ADK: variants seen among roughly 807,000 people sequenced by gnomAD.
The protein encoded by ADK is adenosine kinase.
ADK carries 24 observed loss-of-function variants against 44.7 expected under a neutral mutation model. That is an observed-to-expected ratio of 0.54 (90% CI 0.39 to 0.76). The LOEUF (loss-of-function observed/expected upper bound fraction) is 0.76. Among genes scored for constraint, ADK ranks in the 30% least tolerant of loss-of-function variants. The pLI, the probability that ADK is intolerant of heterozygous loss-of-function variation, is 0.00. For missense variants in ADK, 321 were observed against 425.1 expected (o/e 0.76, Z 2.15); for synonymous variants, 128 against 142.6 (o/e 0.90, Z 0.73).
intron 1 of ADK, chr10:74,177,028 TTTTCA>T: frequency 8.1e-7 from 1 of 1,227,594 alleles, no homozygotes; most frequent in Non-Finnish European, 1.2e-6. Context: ...CCCTCCGCAC[TTTTCA>T]TTTGGGCATT....
intron 4 of ADK, among the ~76,000 whole-genome samples, chr10:74,326,431 CAAAA>C (rs34807188): frequency 3.9e-5 from 5 of 129,868 alleles, no homozygotes; most frequent in South Asian, 5.1e-4. Context: ...CTTGTTTCTA[CAAAA>C]AAAAAAAAAA....
At chr10:74,380,713 G>A (rs916339858) in intron 4 of ADK, among the ~76,000 whole-genome samples, 45 of 151,988 alleles carry the variant, frequency 3.0e-4, no homozygotes, top group Admixed American at 2.7e-3. Flanking sequence ...AATCGAGATC[G>A]TGCCACTGCA....
At chr10:74,456,477 A>T (rs1230328154) in intron 6 of ADK, among the ~76,000 whole-genome samples, 1 of 151,978 alleles carries the variant, frequency 6.6e-6, no homozygotes, top group Non-Finnish European at 1.5e-5. Context: ...GATCGAGACC[A>T]TCCTGGCTAA....
chr10:74,194,553 A>G (rs1407287509), intron 1 of ADK, among the ~76,000 whole-genome samples: 1 of 152,176 alleles, frequency 6.6e-6, no homozygotes, highest in African/African-American at 2.4e-5. Context: ...GGTAGATTTT[A>G]AGTAGAAAAA....
chr10:74,233,324 C>T (rs988385471), intron 3 of ADK, among the ~76,000 whole-genome samples: 9 of 152,086 alleles, frequency 5.9e-5, no homozygotes, highest in African/African-American at 2.2e-4. Flanking sequence ...GAAGGAGGTT[C>T]GTGTGTTGTG....
chr10:74,370,276 T>C (rs979752207), intron 4 of ADK, among the ~76,000 whole-genome samples: 2 of 152,222 alleles, frequency 1.3e-5, no homozygotes, highest in African/African-American at 4.8e-5. Flanking sequence ...CCTATACTAC[T>C]GTTAAAACAA....
chr10:74,651,109 G>A (rs1427118628), intron 9 of ADK, among the ~76,000 whole-genome samples: 2 of 152,162 alleles, frequency 1.3e-5, no homozygotes, highest in Non-Finnish European at 2.9e-5. Flanking sequence ...GGAAATGGAG[G>A]CATCAGCTAG....
chr10:74,292,492 T>G (rs1839657166), intron 3 of ADK, among the ~76,000 whole-genome samples: 1 of 152,210 alleles, frequency 6.6e-6, no homozygotes, highest in Admixed American at 6.5e-5. Context: ...GTTAGGGGAC[T>G]TGTTCTTTCA....
intron 1 of ADK, among the ~76,000 whole-genome samples, chr10:74,185,501 A>G (rs1842713868): frequency 6.7e-6 from 1 of 150,188 alleles, no homozygotes; most frequent in African/African-American, 2.4e-5. Flanking sequence ...TTCACTTTAA[A>G]AAAAAATGCC....
intron 7 of ADK, among the ~76,000 whole-genome samples, chr10:74,568,129 T>C (rs1438274677): frequency 6.6e-6 from 1 of 152,072 alleles, no homozygotes; most frequent in African/African-American, 2.4e-5. Flanking sequence ...TGTTAAAAGA[T>C]TATGAGGTGG....
chr10:74,483,651 TG>T lies in ADK; in HGVS notation c.556-41604del. ...CTCTTTGCTCACATATATGAGCATA[TG>T]CTGTTAGAAGCAGACAGGATACATC... On this transcript the variant is annotated intron_variant, in intron 6 of 10. Transcript: ENST00000539909. Among the ~76,000 whole-genome samples, 2 of 152,340 alleles carry T rather than the reference TG, an allele frequency of 1.3e-5. 1 individual carries two copies. Among genetic ancestry groups the T allele is most frequent in the Admixed American group, 1.3e-4 (2 of 15,304 alleles).
intron 6 of ADK, among the ~76,000 whole-genome samples, chr10:74,512,593 C>T (rs1013207502): frequency 8.6e-5 from 13 of 151,580 alleles, no homozygotes; most frequent in Non-Finnish European, 1.5e-4. Context: ...CTCTAGTGAT[C>T]CTTTGTATTT....
chr10:74,181,761 C>A (rs1381689487), intron 1 of ADK, among the ~76,000 whole-genome samples: 1 of 152,120 alleles, frequency 6.6e-6, no homozygotes, highest in East Asian at 1.9e-4. Context: ...TCAAAATTCC[C>A]CTCTGAATAT....
At chr10:74,610,530 G>A (rs1852501194) in intron 9 of ADK, among the ~76,000 whole-genome samples, 1 of 152,050 alleles carries the variant, frequency 6.6e-6, no homozygotes, top group African/African-American at 2.4e-5. Context: ...ATGGCACTGA[G>A]CTGTATATTC....
chr10:74,464,144 A>G (rs1846267176), intron 6 of ADK, among the ~76,000 whole-genome samples: 1 of 152,194 alleles, frequency 6.6e-6, no homozygotes, highest in South Asian at 2.1e-4. Context: ...AGCAGTACAC[A>G]TAAGACATAC....
intron 6 of ADK, among the ~76,000 whole-genome samples, chr10:74,405,624 A>T (rs1843893971): frequency 6.6e-6 from 1 of 152,042 alleles, no homozygotes; most frequent in South Asian, 2.1e-4. Flanking sequence ...CAAGCGAGGG[A>T]TCTAGGTTGT....
At chr10:74,520,829 G>C (rs1417726126) in intron 6 of ADK, among the ~76,000 whole-genome samples, 1 of 151,998 alleles carries the variant, frequency 6.6e-6, no homozygotes, top group Non-Finnish European at 1.5e-5. Flanking sequence ...TTTGTTTTCT[G>C]TTATAATGAA....
At chr10:74,177,820 C>T (rs1842398310) in intron 1 of ADK, among the ~76,000 whole-genome samples, 1 of 151,516 alleles carries the variant, frequency 6.6e-6, no homozygotes, top group African/African-American at 2.4e-5. Flanking sequence ...TTCTCAATGC[C>T]AATTTTTACT....
At chr10:74,504,417 G>GA (rs1847976813) in intron 6 of ADK, among the ~76,000 whole-genome samples, 1 of 152,082 alleles carries the variant, frequency 6.6e-6, no homozygotes, top group South Asian at 2.1e-4. Context: ...CCGGGTAGTT[G>GA]AAAATCCATG....
Sources: gnomAD v4.1 joint callset for allele counts (sites outside exome capture counted in the v4.1 genomes callset) on GRCh38, gnomAD v4.1.1 for gene constraint, MANE v1.5 for transcripts, NCBI Gene and HGNC (gene_info 2026-07-23, HGNC 2026-07-21) for gene names.